SNX9: variants seen among roughly 807,000 people sequenced by gnomAD.
SNX9 encodes the protein sorting nexin 9.
Under a neutral mutation model 89.4 loss-of-function variants are expected in SNX9, and 44 were observed. The observed-to-expected ratio is 0.49, with a 90% confidence interval of 0.39 to 0.63. SNX9 has a LOEUF of 0.63. Among genes scored for constraint, SNX9 ranks in the 30% least tolerant of loss-of-function variants. The pLI is 0.00. For missense variants in SNX9, 578 were observed against 736.1 expected (o/e 0.79, Z 2.49); for synonymous variants, 236 against 247.8 (o/e 0.95, Z 0.45).
intron 1 of SNX9, among the ~76,000 whole-genome samples, chr6:157,841,866 TTTTTA>T (rs1327297817): frequency 3.3e-5 from 5 of 152,242 alleles, no homozygotes; most frequent in African/African-American, 1.2e-4. Context: ...CTATTTTAAC[TTTTTA>T]TTTATAAAAA....
At chr6:157,936,969 A>G (rs1257998724) in intron 14 of SNX9, among the ~76,000 whole-genome samples, 1 of 149,814 alleles carries the variant, frequency 6.7e-6, no homozygotes, top group African/African-American at 2.5e-5. Context: ...TACTTTGCTG[A>G]TACTTCTAAA....
At chr6:157,938,837 C>A in intron 16 of SNX9, 90 bp downstream of exon 16, 2 of 917,062 alleles carry the variant, frequency 2.2e-6, no homozygotes, top group African/African-American at 1.7e-5. Flanking sequence ...CAGATGTGAG[C>A]AGCAGTTAAG....
intron 4 of SNX9, among the ~76,000 whole-genome samples, chr6:157,888,823 C>T (rs1486275874): frequency 1.3e-5 from 2 of 152,050 alleles, no homozygotes; most frequent in Admixed American, 6.6e-5. Flanking sequence ...CTGGGAAGAT[C>T]GTGAGGATTT....
In SNX9 at chr6:157,873,094, C is replaced by G; in HGVS notation, c.100-8C>G. On this transcript the variant is annotated splice_region_variant and splice_polypyrimidine_tract_variant and intron_variant, in intron 2 of 17. Transcript: ENST00000392185. ...TTTCTTTTTTTTTTTTTTTTGGTGA[C>G]TTATTAGGATGTAGGTGGAGGATGG... The G allele has an allele frequency of 2.8e-6, 4 of 1,440,652 alleles. No homozygotes were observed. Among genetic ancestry groups the G allele is most frequent in the Non-Finnish European group, 2.8e-6 (3 of 1,072,444 alleles). 89.2% of individuals were successfully genotyped at this position (1,440,652 alleles called of 1,614,324 possible). A position where few individuals can be genotyped will look rare whatever the true frequency, so the allele number is the denominator to read the frequency against.
At chr6:157,901,255 A>G (rs560815385) in intron 5 of SNX9, among the ~76,000 whole-genome samples, 6 of 152,242 alleles carry the variant, frequency 3.9e-5, no homozygotes, top group South Asian at 2.1e-4. Flanking sequence ...TTCCATAGCA[A>G]TAGTTTCAGG....
rs59593756 is a variant in SNX9 at position 157,925,254 on chromosome 6, C to T, written c.1081-1857C>T. On this transcript the variant is annotated intron_variant, in intron 10 of 17. Transcript: ENST00000392185. Reference sequence around the variant, plus strand: ...TCAACAACAGATGTGTAGAAAAGTACCTAATCTCATTAGCAATCAATAAAT... The same window carrying T: ...TCAACAACAGATGTGTAGAAAAGTATCTAATCTCATTAGCAATCAATAAAT... Among the ~76,000 whole-genome samples the T allele has an allele frequency of 3.0e-3, 458 of 151,932 alleles. 4 individuals carry two copies. Among genetic ancestry groups the T allele is most frequent in the African/African-American group, 9.8e-3 (404 of 41,236 alleles).
Position 157,834,150 on chromosome 6 carries a change from GTTTTTTTTTTTTTTTTTTTTT to G in SNX9, c.12+10719_12+10739del, listed in dbSNP as rs561509955. ...ATCCTGCCATGTGGTGTCCACTGTG[GTTTTTTTTTTTTTTTTTTTTT>G]TTTTTTTTTTTTTTGAGTCAGGGTC... On this transcript the variant is annotated intron_variant, in intron 1 of 17. Coordinates refer to ENST00000392185, the MANE Select transcript of SNX9 (RefSeq NM_016224.5). 1.9e-3 allele frequency among the ~76,000 whole-genome samples: 68 copies of G among 35,646 alleles called. 1 individual carries two copies. The highest frequency in any genetic ancestry group is 0.053 in the Middle Eastern group (2 of 38). 23.4% of individuals were successfully genotyped at this position (35,646 alleles called of 152,430 possible).
chr6:157,870,172 A>G (rs1782366732), intron 2 of SNX9, among the ~76,000 whole-genome samples: 1 of 151,126 alleles, frequency 6.6e-6, no homozygotes, highest in Non-Finnish European at 1.5e-5. Context: ...GCTCTCATGC[A>G]CACCCACACT....
At chr6:157,834,759 G>A (rs1222783553) in intron 1 of SNX9, among the ~76,000 whole-genome samples, 2 of 152,086 alleles carry the variant, frequency 1.3e-5, no homozygotes. Context: ...GCATGCTCTG[G>A]TGATGTGACG....
intron 1 of SNX9, among the ~76,000 whole-genome samples, chr6:157,861,713 G>A (rs1782127837): frequency 2.0e-5 from 3 of 152,100 alleles, no homozygotes; most frequent in African/African-American, 7.2e-5. Context: ...TGCAACCAAG[G>A]ATAATACCAA....
At chr6:157,867,509 T>C (rs375336468) in intron 1 of SNX9, 38 bp from the exon 2 acceptor site, 20 of 1,546,804 alleles carry the variant, frequency 1.3e-5, no homozygotes, top group Non-Finnish European at 1.6e-5. Flanking sequence ...ACTCTGTTTG[T>C]GTTTGTAACA....
chr6:157,908,931 G>T (rs1268656512), intron 7 of SNX9, among the ~76,000 whole-genome samples: 4 of 152,198 alleles, frequency 2.6e-5, no homozygotes, highest in Non-Finnish European at 5.9e-5. Flanking sequence ...GGCAAGCCTT[G>T]CCCAGGTGGA....
intron 4 of SNX9, among the ~76,000 whole-genome samples, chr6:157,891,947 GTGCTGA>G (rs1562607166): frequency 6.6e-6 from 1 of 152,222 alleles, no homozygotes; most frequent in Non-Finnish European, 1.5e-5. Context: ...GTTGAGACCT[GTGCTGA>G]AGAAACTCCT....
chr6:157,940,754 C>G lies in SNX9; in HGVS notation c.1649-129C>G, dbSNP rs1293229820. The G allele has an allele frequency of 5.3e-6, 4 of 752,626 alleles. No individual in the cohort carries two copies. The East Asian group carries it at 1.1e-4, about 20-fold the overall frequency. 46.6% of individuals were successfully genotyped at this position (752,626 alleles called of 1,614,324 possible). A position where few individuals can be genotyped will look rare whatever the true frequency, so the allele number is the denominator to read the frequency against. ...CTAACCTCTTAGTAAAGTGATTTAC[C>G]AAGAACTGACAACAGCAGCCAACCA... On this transcript the variant is annotated intron_variant, in intron 16 of 17. Transcript: ENST00000392185.
intron 4 of SNX9, among the ~76,000 whole-genome samples, chr6:157,886,027 C>A (rs910917009): frequency 6.6e-6 from 1 of 152,144 alleles, no homozygotes; most frequent in African/African-American, 2.4e-5. Flanking sequence ...GATGTAGTTA[C>A]GATGGAGACA....
chr6:157,929,564 C>G (rs1199679117), intron 12 of SNX9, among the ~76,000 whole-genome samples: 3 of 152,146 alleles, frequency 2.0e-5, no homozygotes, highest in African/African-American at 7.2e-5. Context: ...AATTTTCTGG[C>G]CTTCACCTCA....
intron 1 of SNX9, among the ~76,000 whole-genome samples, chr6:157,857,790 G>A (rs1434843055): frequency 6.6e-6 from 1 of 151,686 alleles, no homozygotes; most frequent in African/African-American, 2.4e-5. Flanking sequence ...GAAGGAGAGG[G>A]GAGAGGTGCT....
At chr6:157,892,755 T>G (rs1782889938) in intron 4 of SNX9, 1 of 152,228 alleles carries the variant, frequency 6.6e-6, no homozygotes, top group South Asian at 2.1e-4. Flanking sequence ...GACTGAACTG[T>G]CTTCTGGAAG....
At chr6:157,927,976 G>GA (rs1783731141) in intron 11 of SNX9, among the ~76,000 whole-genome samples, 1 of 152,154 alleles carries the variant, frequency 6.6e-6, no homozygotes, top group East Asian at 1.9e-4. Context: ...CACGCAGAGA[G>GA]AAAATCAGTG....
Sources: gnomAD v4.1 joint callset for allele counts (sites outside exome capture counted in the v4.1 genomes callset) on GRCh38, gnomAD v4.1.1 for gene constraint, MANE v1.5 for transcripts, NCBI Gene and HGNC (gene_info 2026-07-23, HGNC 2026-07-21) for gene names.